Variants in OPCML observed in about 807,000 individuals in gnomAD.
OPCML encodes the protein opioid-binding protein/cell adhesion molecule.
In OPCML, 13 loss-of-function variants were observed where a neutral mutation model predicts 37.8. That is an observed-to-expected ratio of 0.34 (90% confidence interval 0.22 to 0.55). The LOEUF is 0.55. OPCML is among the 20% of genes least tolerant of loss of function. The pLI is 0.91. For synonymous variants in OPCML, 176 were observed against 168.8 expected (o/e 1.04, Z -0.33); for missense variants, 341 against 435.6 (o/e 0.78, Z 1.93).
chr11:132,568,473 T>C (rs73036850), intron 3 of OPCML, among the ~76,000 whole-genome samples: 3,720 of 152,260 alleles, frequency 0.024, 115 homozygotes, highest in East Asian at 0.056. Flanking sequence ...TATACTGGAT[T>C]AGGGTAGGTC....
At chr11:133,266,741 G>A (rs914503693) in intron 1 of OPCML, among the ~76,000 whole-genome samples, 2 of 152,210 alleles carry the variant, frequency 1.3e-5, no homozygotes, top group African/African-American at 4.8e-5. Flanking sequence ...GATGGGTTGA[G>A]TATAAAGTAT....
At chr11:132,588,633 T>C (rs1285254076) in intron 3 of OPCML, among the ~76,000 whole-genome samples, 2 of 152,146 alleles carry the variant, frequency 1.3e-5, no homozygotes, top group African/African-American at 4.8e-5. Flanking sequence ...CCACTGACAG[T>C]AGCTCAGAAC....
At chr11:133,450,291 G>T (rs927165009) in intron 1 of OPCML, among the ~76,000 whole-genome samples, 2 of 151,696 alleles carry the variant, frequency 1.3e-5, no homozygotes, top group Non-Finnish European at 2.9e-5. Flanking sequence ...TGTTCTCAGA[G>T]TAGTTATTCT....
intron 1 of OPCML, among the ~76,000 whole-genome samples, chr11:133,224,709 A>C (rs1939970017): frequency 6.6e-6 from 1 of 152,228 alleles, no homozygotes; most frequent in Admixed American, 6.5e-5. Flanking sequence ...AATAAAACAA[A>C]ACTGACTTTG....
intron 3 of OPCML, among the ~76,000 whole-genome samples, chr11:132,618,954 T>TACACACACACACACAC (rs6144570): frequency 1.7e-4 from 25 of 145,442 alleles, no homozygotes; most frequent in Non-Finnish European, 3.2e-4. Context: ...AGCACACGCA[T>TACACACACACACACAC]ACACACACAC....
At chr11:133,295,018 T>G (rs1389827359) in intron 1 of OPCML, among the ~76,000 whole-genome samples, 1 of 151,798 alleles carries the variant, frequency 6.6e-6, no homozygotes, top group Non-Finnish European at 1.5e-5. Flanking sequence ...GAGATAGGGT[T>G]TCACCATGTT....
chr11:133,198,159 C>T (rs775963433), intron 1 of OPCML, among the ~76,000 whole-genome samples: 28 of 152,192 alleles, frequency 1.8e-4, no homozygotes, highest in Non-Finnish European at 2.8e-4. Context: ...TCTCATTCAA[C>T]GATTTTTATA....
intron 2 of OPCML, among the ~76,000 whole-genome samples, chr11:132,694,934 G>A (rs1191809516): frequency 6.6e-6 from 1 of 152,208 alleles, no homozygotes; most frequent in African/African-American, 2.4e-5. Context: ...AGAGAGAAAG[G>A]AAAGATGATA....
intron 1 of OPCML, among the ~76,000 whole-genome samples, chr11:133,118,703 C>T (rs755137846): frequency 9.9e-5 from 15 of 152,004 alleles, no homozygotes; most frequent in Non-Finnish European, 1.6e-4. Flanking sequence ...GCACAGAACT[C>T]CCACTCACCC....
intron 2 of OPCML, among the ~76,000 whole-genome samples, chr11:132,714,355 G>C (rs1050818371): frequency 6.6e-6 from 1 of 152,088 alleles, no homozygotes; most frequent in Non-Finnish European, 1.5e-5. Context: ...TCTGAAAGGT[G>C]GTCGGCCTGT....
At chr11:132,448,442 G>C (rs1233368647) in intron 4 of OPCML, among the ~76,000 whole-genome samples, 1 of 152,212 alleles carries the variant, frequency 6.6e-6, no homozygotes, top group African/African-American at 2.4e-5. Flanking sequence ...GAGCTCTGAA[G>C]TATCACGAGG....
At chr11:132,780,831 G>T (rs1207799574) in intron 2 of OPCML, among the ~76,000 whole-genome samples, 1 of 152,090 alleles carries the variant, frequency 6.6e-6, no homozygotes, top group Non-Finnish European at 1.5e-5. Context: ...TGTCTTCACT[G>T]GTAAACAAAT....
At chr11:133,511,659 C>A (rs551474682) in intron 1 of OPCML, among the ~76,000 whole-genome samples, 4 of 151,980 alleles carry the variant, frequency 2.6e-5, no homozygotes, top group Admixed American at 6.6e-5. Context: ...TTTGTAATTG[C>A]GACTCTCTTC....
At chr11:132,652,795 G>A (rs1200594415) in intron 3 of OPCML, among the ~76,000 whole-genome samples, 1 of 152,104 alleles carries the variant, frequency 6.6e-6, no homozygotes, top group African/African-American at 2.4e-5. Flanking sequence ...CGAGTCATCT[G>A]GACATAGTCT....
chr11:132,790,279 A>AG (rs1937809227), intron 2 of OPCML, among the ~76,000 whole-genome samples: 1 of 152,222 alleles, frequency 6.6e-6, no homozygotes, highest in African/African-American at 2.4e-5. Context: ...TAAAAACAAT[A>AG]GGTTCTAGTG....
chr11:132,748,087 A>C (rs1391332784), intron 2 of OPCML, among the ~76,000 whole-genome samples: 1 of 150,540 alleles, frequency 6.6e-6, no homozygotes, highest in East Asian at 1.9e-4. Context: ...TTTAGAGAAA[A>C]ATAGGTTGAA....
intron 4 of OPCML, among the ~76,000 whole-genome samples, chr11:132,490,448 T>A (rs1592256060): frequency 1.3e-5 from 2 of 152,134 alleles, no homozygotes; most frequent in South Asian, 4.2e-4. Context: ...CCATCCTCTC[T>A]GGCTGCACTC....
chr11:132,668,263 T>G (rs1478334514), intron 2 of OPCML, among the ~76,000 whole-genome samples: 1 of 152,208 alleles, frequency 6.6e-6, no homozygotes, highest in Non-Finnish European at 1.5e-5. Flanking sequence ...AGAATGATGA[T>G]GAGAGCTGAG....
intron 1 of OPCML, among the ~76,000 whole-genome samples, chr11:133,020,279 G>T (rs1269015943): frequency 2.0e-5 from 3 of 152,188 alleles, no homozygotes; most frequent in African/African-American, 4.8e-5. Flanking sequence ...GGCCTCCCTG[G>T]ATTGCAATGG....
Sources: allele counts gnomAD v4.1 joint callset (sites outside exome capture counted in the v4.1 genomes callset), GRCh38; gene constraint gnomAD v4.1.1; transcripts MANE v1.5; gene names NCBI Gene and HGNC (gene_info 2026-07-23, HGNC 2026-07-21).